PAK3: variants seen among roughly 807,000 people sequenced by gnomAD.
PAK3 encodes serine/threonine-protein kinase PAK 3.
PAK3 carries 4 observed loss-of-function variants against 41.0 expected under a neutral mutation model. The ratio of observed to expected loss-of-function variants is 0.10; its 90% confidence interval spans 0.05 to 0.22. The LOEUF is 0.22. Ranked by LOEUF, PAK3 falls within the 10% of genes least tolerant of loss-of-function variation. PAK3 has a pLI of 1.00. For missense variants in PAK3, 205 were observed against 409.9 expected, an observed-to-expected ratio of 0.50 and a Z score of 4.32; for synonymous variants, 146 against 139.6, an observed-to-expected ratio of 1.05 and a Z score of -0.32.
chrX:111,080,281 G>C (rs1404693355), intron 1 of PAK3, among the ~76,000 whole-genome samples: 2 of 111,423 alleles, frequency 1.8e-5, no homozygotes, highest in Non-Finnish European at 3.8e-5. Flanking sequence ...CTTATTTTAA[G>C]AAATTTCCAC....
At chrX:111,163,155 C>G (rs2094211612) in intron 9 of PAK3, 109 bp downstream of exon 9, 2 of 791,766 alleles carry the variant, frequency 2.5e-6, no homozygotes, top group Non-Finnish European at 3.9e-6. Flanking sequence ...CTTTTATGTT[C>G]CAAGAGCTAA....
intron 16 of PAK3, among the ~76,000 whole-genome samples, chrX:111,211,322 C>T (rs1237288349): frequency 9.0e-6 from 1 of 110,984 alleles, no homozygotes; most frequent in Non-Finnish European, 1.9e-5. Context: ...TATAATGATC[C>T]TCTGGTTCCA....
At chrX:111,078,556 T>G (rs2092806563) in intron 1 of PAK3, among the ~76,000 whole-genome samples, 2 of 110,967 alleles carry the variant, frequency 1.8e-5, no homozygotes, top group Non-Finnish European at 3.8e-5. Flanking sequence ...CAACCAGCTG[T>G]CCTCCCATCT....
chrX:111,199,698 A>G (rs1030924848), intron 16 of PAK3, among the ~76,000 whole-genome samples: 1 of 111,861 alleles, frequency 8.9e-6, no homozygotes, highest in Middle Eastern at 4.6e-3. Context: ...ACTTAATTAG[A>G]TTGTCAAGTA....
chrX:111,189,545 G>A (rs779754748), intron 11 of PAK3, among the ~76,000 whole-genome samples: 51 of 111,538 alleles, frequency 4.6e-4, no homozygotes, highest in African/African-American at 1.5e-3. Flanking sequence ...CCTCCAGCAG[G>A]GTATAAGTGT....
intron 11 of PAK3, among the ~76,000 whole-genome samples, chrX:111,175,143 A>T (rs5985591): frequency 0.27 from 29,628 of 110,953 alleles, 8,189 homozygotes; most frequent in African/African-American, 0.85. Context: ...TTTCATCTGG[A>T]TGAGTCTCAG....
intron 1 of PAK3, among the ~76,000 whole-genome samples, chrX:110,981,132 G>T (rs1485171252): frequency 9.0e-6 from 1 of 111,323 alleles, no homozygotes; most frequent in African/African-American, 3.3e-5. Context: ...TCATTTTGGG[G>T]TACTGTTTTC....
intron 11 of PAK3, among the ~76,000 whole-genome samples, chrX:111,181,077 T>C (rs7889615): frequency 0.15 from 16,261 of 111,219 alleles, 2,447 homozygotes; most frequent in African/African-American, 0.46. Context: ...TTTGGGATTA[T>C]AGTCGTATAA....
intron 1 of PAK3, among the ~76,000 whole-genome samples, chrX:111,014,209 T>G (rs1276185034): frequency 8.9e-6 from 1 of 112,000 alleles, no homozygotes; most frequent in African/African-American, 3.2e-5. Context: ...AAAGCTCTGA[T>G]TATATTATTC....
intron 1 of PAK3, among the ~76,000 whole-genome samples, chrX:110,957,266 G>A (rs1333680142): frequency 1.8e-5 from 2 of 112,127 alleles, no homozygotes; most frequent in East Asian, 5.6e-4. Flanking sequence ...ACCCTATGAG[G>A]CAGGCACTAT....
rs1394140169 is a variant in PAK3, at chrX:111,179,028, T to TAG, written c.830+5948_830+5949insGA. Among the ~76,000 whole-genome samples, 10 of 106,120 alleles carry TAG rather than the reference T, an allele frequency of 9.4e-5. No individual in the cohort carries two copies. The East Asian group carries it at 2.9e-3, about 31-fold the overall frequency. The allele number at this position is 106,120 out of a possible 115,157, so 92.2% of individuals were successfully genotyped here. A position where few individuals can be genotyped will look rare whatever the true frequency, so the allele number is the denominator to read the frequency against. On this transcript the variant is annotated intron_variant, in intron 11 of 17. Transcript: ENST00000372007. The stretch of plus-strand genomic sequence containing the variant: ...CTATATATCTATATATATATATATA[T>TAG]ATATGGTTGAAAGTCTACTTATGAT...
chrX:111,193,559 AG>A (rs1363083352), intron 13 of PAK3, among the ~76,000 whole-genome samples: 1 of 109,454 alleles, frequency 9.1e-6, no homozygotes, highest in African/African-American at 3.3e-5. Flanking sequence ...CATGTTGGCC[AG>A]GCTGGTCTCA....
At chrX:111,116,597 T>C (rs2093468149) in intron 4 of PAK3, among the ~76,000 whole-genome samples, 1 of 112,210 alleles carries the variant, frequency 8.9e-6, no homozygotes, top group African/African-American at 3.2e-5. Flanking sequence ...TTATACCTAT[T>C]GACTTCCTAT....
intron 1 of PAK3, among the ~76,000 whole-genome samples, chrX:111,004,778 G>A (rs2091897791): frequency 8.9e-6 from 1 of 112,326 alleles, no homozygotes; most frequent in Admixed American, 9.4e-5. Flanking sequence ...CCTAATGGTT[G>A]TCTAGGAATA....
At chrX:111,121,090 G>A (rs1006259919) in intron 4 of PAK3, among the ~76,000 whole-genome samples, 5 of 112,095 alleles carry the variant, frequency 4.5e-5, no homozygotes, top group East Asian at 2.8e-4. Flanking sequence ...CTCTAGTACC[G>A]ATAGTATCTC....
intron 1 of PAK3, among the ~76,000 whole-genome samples, chrX:110,951,759 C>T (rs768899159): frequency 3.6e-5 from 4 of 112,477 alleles, no homozygotes; most frequent in African/African-American, 1.3e-4. Flanking sequence ...AGAACTGTGT[C>T]GAAAGCGTTT....
At chrX:111,019,724 G>C (rs201676946) in intron 1 of PAK3, among the ~76,000 whole-genome samples, 1 of 3,465 alleles carries the variant, frequency 2.9e-4, no homozygotes, top group African/African-American at 3.2e-4. Context: ...AAAGAAAAAG[G>C]GGGGGGGGCA....
chrX:111,086,432 T>A (rs969986577), intron 1 of PAK3, among the ~76,000 whole-genome samples: 3 of 111,200 alleles, frequency 2.7e-5, no homozygotes, highest in African/African-American at 6.5e-5. Context: ...TCTGTCTCTT[T>A]ACCTCTCTCT....
chrX:111,192,356 A>T (rs1267053975), intron 12 of PAK3, 150 bp from the exon 13 acceptor site: 1 of 517,844 alleles, frequency 1.9e-6, no homozygotes, highest in Non-Finnish European at 3.3e-6. Context: ...CAAAAAATAA[A>T]AAAAAAAGTG....
Sources: gnomAD v4.1 joint callset for allele counts (sites outside exome capture counted in the v4.1 genomes callset) on GRCh38, gnomAD v4.1.1 for gene constraint, MANE v1.5 for transcripts, NCBI Gene and HGNC (gene_info 2026-07-23, HGNC 2026-07-21) for gene names.